The following CDADC1 variants were observed in gnomAD, a reference collection of about 807,000 sequenced individuals.
CDADC1 encodes cytidine and dCMP deaminase domain containing 1, also known as dCTP deaminase.
A neutral mutation model predicts 54.9 loss-of-function variants in CDADC1; 39 were observed. The ratio of observed to expected loss-of-function variants is 0.71; its 90% CI spans 0.55 to 0.93. CDADC1 has a LOEUF of 0.93. Ranked by LOEUF, CDADC1 falls within the 40% of genes least tolerant of loss-of-function variation. The pLI, the probability that CDADC1 is intolerant of heterozygous loss-of-function variation, is 0.00. For synonymous variants in CDADC1, 186 were observed against 204.0 expected (o/e 0.91, Z 0.75); for missense variants, 518 against 618.8 (o/e 0.84, Z 1.73).
chr13:49,274,124 T>G (rs1953037792), intron 5 of CDADC1, among the ~76,000 whole-genome samples, 167 bp from the exon 6 acceptor site: 1 of 152,200 alleles, frequency 6.6e-6, no homozygotes, highest in South Asian at 2.1e-4. Flanking sequence ...TATTCCATAC[T>G]TAAAAGTGTT....
chr13:49,282,289 A>T (rs868461149), intron 8 of CDADC1, among the ~76,000 whole-genome samples: 1 of 109,292 alleles, frequency 9.1e-6, no homozygotes, highest in African/African-American at 3.7e-5. Context: ...GGGTCTCACT[A>T]TCTCACCCAG....
intron 2 of CDADC1, among the ~76,000 whole-genome samples, chr13:49,251,767 C>T (rs902072555): frequency 6.6e-6 from 1 of 151,938 alleles, no homozygotes; most frequent in Non-Finnish European, 1.5e-5. Context: ...AAAATACTAC[C>T]AAGGAAATTT....
intron 7 of CDADC1, among the ~76,000 whole-genome samples, chr13:49,278,912 A>G (rs1015282209): frequency 6.6e-6 from 1 of 152,332 alleles, no homozygotes; most frequent in African/African-American, 2.4e-5. Context: ...ACGATGGACT[A>G]CATGCACAAC....
rs934923916 is a variant in CDADC1, at chr13:49,252,645, A to G, written c.178-3194A>G. Among the ~76,000 whole-genome samples, 6 of 152,364 alleles carry G rather than the reference A, an allele frequency of 3.9e-5. No individual in the cohort carries two copies. The East Asian group carries it at 5.8e-4, about 15-fold the overall frequency. ...ACTTTTATAGTGTTATTTATTGTAC[A>G]AACATTATCATTGAAACTGAATTTA... On this transcript the variant is annotated intron_variant, in intron 2 of 9. Coordinates refer to ENST00000251108, the MANE Select transcript of CDADC1 (RefSeq NM_030911.4).
Position 49,248,087 on chromosome 13 carries a change from G to T in CDADC1, c.50G>T (p.Arg17Leu). Residue 17 changes from arginine to leucine, a missense_variant, in exon 1 of 10, where the codon CGG (arginine) becomes CTG (leucine). Coordinates refer to ENST00000251108, the MANE Select transcript of CDADC1 (RefSeq NM_030911.4). ...MQNLESARAGRSVSTQTGSMT... is the reference protein window; with the variant it reads ...MQNLESARAGLSVSTQTGSMT... ...AATCTGGAGAGCGCGAGGGCCGGGCGGTCAGTCAGCACCCAGACTGGCAGC... is the reference window on the plus strand; with the variant it reads ...AATCTGGAGAGCGCGAGGGCCGGGCTGTCAGTCAGCACCCAGACTGGCAGC... The T allele has an allele frequency of 6.4e-7, 1 of 1,553,432 alleles. No homozygotes were observed. Among genetic ancestry groups the T allele is most frequent in the East Asian group, 2.4e-5 (1 of 41,020 alleles).
At chr13:49,269,656 G>C (rs1952914102) in intron 5 of CDADC1, among the ~76,000 whole-genome samples, 2 of 152,212 alleles carry the variant, frequency 1.3e-5, no homozygotes, top group African/African-American at 4.8e-5. Context: ...AATGGGAACA[G>C]CTGTTGTAGC....
intron 7 of CDADC1, among the ~76,000 whole-genome samples, chr13:49,279,826 A>C (rs1381952919): frequency 6.6e-6 from 1 of 152,186 alleles, no homozygotes; most frequent in East Asian, 1.9e-4. Context: ...TGTTAGTCCT[A>C]AACTACCCTC....
intron 5 of CDADC1, among the ~76,000 whole-genome samples, chr13:49,270,352 C>T (rs1228153496): frequency 1.3e-5 from 2 of 152,090 alleles, no homozygotes; most frequent in African/African-American, 2.4e-5. Flanking sequence ...TCCTGAGTAG[C>T]TTGTACTACA....
At chr13:49,250,168 T>A (rs1952392438) in intron 2 of CDADC1, among the ~76,000 whole-genome samples, 1 of 152,230 alleles carries the variant, frequency 6.6e-6, no homozygotes, top group Admixed American at 6.5e-5. Context: ...ATGTACTCGC[T>A]GAGGTTTCCA....
chr13:49,253,540 A>G (rs1328768005), intron 2 of CDADC1, among the ~76,000 whole-genome samples: 1 of 152,092 alleles, frequency 6.6e-6, no homozygotes. Context: ...GGGTAACTCT[A>G]CCTCTCTGTG....
chr13:49,286,181 A>G (rs1452461710), intron 8 of CDADC1, 41 bp from the exon 9 acceptor site: 1 of 1,495,344 alleles, frequency 6.7e-7, no homozygotes, highest in Non-Finnish European at 9.3e-7. Context: ...CTATGTATTA[A>G]ATCCTCTTTA....
rs1240843610 is a variant in CDADC1, at chr13:49,292,518, A to T, written c.*761A>T. 9.7e-7 allele frequency: 1 copy of T among 1,033,324 alleles called. No homozygotes were observed. Among genetic ancestry groups the T allele is most frequent in the African/African-American group, 1.7e-5 (1 of 58,352 alleles). The allele number at this position is 1,033,324 out of a possible 1,614,324, so 64.0% of individuals were successfully genotyped here. ...GGAATATTGAAACTAGCTTTCCTAG[A>T]ATTCCATTAATAAATGCTGCTCCCC... On this transcript the variant is annotated 3_prime_UTR_variant, in exon 10 of 10. Transcript: ENST00000251108.
At chr13:49,267,424 A>G in intron 4 of CDADC1, 66 bp from the exon 5 acceptor site, 1 of 1,296,936 alleles carries the variant, frequency 7.7e-7, no homozygotes, top group Non-Finnish European at 1.1e-6. Context: ...GATAGGGTGG[A>G]TTTTATAATG....
chr13:49,269,802 C>T (rs953406001), intron 5 of CDADC1, among the ~76,000 whole-genome samples: 1 of 152,176 alleles, frequency 6.6e-6, no homozygotes, highest in African/African-American at 2.4e-5. Flanking sequence ...CCTTATCATA[C>T]CAGCTGTGAT....
At chr13:49,259,060 C>T (rs1952611522) in intron 3 of CDADC1, among the ~76,000 whole-genome samples, 2 of 151,954 alleles carry the variant, frequency 1.3e-5, no homozygotes, top group African/African-American at 4.8e-5. Flanking sequence ...TAGTTCTTGC[C>T]CTTTACTAGG....
At chr13:49,254,252 C>T (rs187803997) in intron 2 of CDADC1, among the ~76,000 whole-genome samples, 2 of 152,308 alleles carry the variant, frequency 1.3e-5, no homozygotes, top group East Asian at 3.9e-4. Flanking sequence ...ACAGAAACCT[C>T]ATTCCCAGAA....
At chr13:49,267,020 C>T (rs1392766602) in intron 4 of CDADC1, among the ~76,000 whole-genome samples, 1 of 152,132 alleles carries the variant, frequency 6.6e-6, no homozygotes, top group African/African-American at 2.4e-5. Flanking sequence ...TTCCTAGAGG[C>T]TCTGTGAGAG....
intron 3 of CDADC1, among the ~76,000 whole-genome samples, chr13:49,256,720 G>A (rs1952556917): frequency 6.6e-6 from 1 of 152,164 alleles, no homozygotes; most frequent in African/African-American, 2.4e-5. Flanking sequence ...GCAGAGTGGA[G>A]ACTAAGCATG....
chr13:49,261,299 C>T (rs551212044), intron 4 of CDADC1, among the ~76,000 whole-genome samples: 36 of 152,290 alleles, frequency 2.4e-4, no homozygotes, highest in African/African-American at 7.9e-4. Context: ...ACAAGTATTT[C>T]GAGCAGGTAG....
Sources: gnomAD v4.1 joint callset for allele counts (sites outside exome capture counted in the v4.1 genomes callset) on GRCh38, gnomAD v4.1.1 for gene constraint, MANE v1.5 for transcripts, NCBI Gene and HGNC (gene_info 2026-07-23, HGNC 2026-07-21) for gene names.